Variants in GPATCH8 observed in about 807,000 individuals in gnomAD.
GPATCH8 encodes the protein G-patch domain containing 8.
In GPATCH8, 18 loss-of-function variants were observed where a neutral mutation model predicts 118.3. The ratio of observed to expected loss-of-function variants is 0.15; its 90% CI spans 0.11 to 0.23. The LOEUF (loss-of-function observed/expected upper bound fraction) is 0.23. Among genes scored for constraint, GPATCH8 ranks in the 10% least tolerant of loss-of-function variants. The probability of loss-of-function intolerance (pLI) is 1.00; values close to 1 mark genes in which losing one functional copy is unlikely to be tolerated. For missense variants in GPATCH8, 1,631 were observed against 1,873.8 expected (o/e 0.87, Z 2.39); for synonymous variants, 659 against 684.7 (o/e 0.96, Z 0.59).
intron 1 of GPATCH8, among the ~76,000 whole-genome samples, chr17:44,493,553 T>C (rs1969443799): frequency 6.6e-6 from 1 of 152,158 alleles, no homozygotes; most frequent in South Asian, 2.1e-4. Flanking sequence ...ACATATACCT[T>C]GAAGAGAGGC....
intron 1 of GPATCH8, among the ~76,000 whole-genome samples, chr17:44,476,722 A>G (rs1967811584): frequency 6.6e-6 from 1 of 152,204 alleles, no homozygotes; most frequent in Admixed American, 6.5e-5. Flanking sequence ...CAAAGCAACT[A>G]TTCCTCAAGA....
chr17:44,475,216 T>G (rs1568043081), intron 1 of GPATCH8, among the ~76,000 whole-genome samples: 2 of 150,794 alleles, frequency 1.3e-5, no homozygotes, highest in African/African-American at 4.9e-5. Context: ...CCATCTCCAC[T>G]AAAATTACAA....
At chr17:44,410,287 T>C (rs1187696031) in intron 6 of GPATCH8, among the ~76,000 whole-genome samples, 1 of 152,322 alleles carries the variant, frequency 6.6e-6, no homozygotes, top group East Asian at 1.9e-4. Flanking sequence ...GGAACACAAC[T>C]ATAGATAATT....
chr17:44,445,604 C>G (rs1377363169), intron 3 of GPATCH8, among the ~76,000 whole-genome samples: 1 of 151,908 alleles, frequency 6.6e-6, no homozygotes, highest in Non-Finnish European at 1.5e-5. Context: ...TTCCTAGGTT[C>G]AAGCGATTCT....
In GPATCH8 at chr17:44,460,620, G is replaced by T. The variant is rs140319660; in HGVS notation, c.193+3852C>A. 3.3e-3 allele frequency among the ~76,000 whole-genome samples: 497 copies of T among 152,254 alleles called. 3 individuals carry two copies. Among genetic ancestry groups the T allele is most frequent in the Non-Finnish European group, 6.0e-3 (405 of 68,022 alleles). ...AAAGCTTTGACAAAAAAGCCCAAAAGGACCAGGCTTAAAATTTTAGTGGAT... is the reference window on the plus strand; with the variant it reads ...AAAGCTTTGACAAAAAAGCCCAAAATGACCAGGCTTAAAATTTTAGTGGAT... On this transcript the variant is annotated intron_variant, in intron 3 of 7. Transcript: ENST00000591680.
At chr17:44,411,295 C>A (rs563853720) in intron 6 of GPATCH8, among the ~76,000 whole-genome samples, 2 of 152,280 alleles carry the variant, frequency 1.3e-5, no homozygotes, top group East Asian at 3.9e-4. Flanking sequence ...TGTTCCTGCT[C>A]AACTGTGATT....
chr17:44,497,286 G>A (rs185052915), intron 1 of GPATCH8, among the ~76,000 whole-genome samples: 143 of 152,268 alleles, frequency 9.4e-4, no homozygotes, highest in African/African-American at 3.3e-3. Context: ...CTTCTGCTAC[G>A]CTTTCAGAAA....
chr17:44,441,015 A>AT (rs2050671686), intron 3 of GPATCH8, among the ~76,000 whole-genome samples: 1 of 152,018 alleles, frequency 6.6e-6, no homozygotes, highest in South Asian at 2.1e-4. Flanking sequence ...CACCCAGCTA[A>AT]TTATTTTGTA....
chr17:44,495,579 A>G (rs1055946958), intron 1 of GPATCH8, among the ~76,000 whole-genome samples: 2 of 152,214 alleles, frequency 1.3e-5, no homozygotes, highest in Non-Finnish European at 2.9e-5. Flanking sequence ...AAATACTTAC[A>G]CTACAATACG....
intron 2 of GPATCH8, among the ~76,000 whole-genome samples, chr17:44,472,638 C>G (rs1277741279): frequency 5.3e-5 from 8 of 152,110 alleles, no homozygotes; most frequent in Non-Finnish European, 7.3e-5. Context: ...TACTGGGGAG[C>G]TGATTCTGAC....
chr17:44,434,718 G>A (rs1255149298), intron 5 of GPATCH8, among the ~76,000 whole-genome samples: 2 of 152,094 alleles, frequency 1.3e-5, no homozygotes, highest in Admixed American at 1.3e-4. Context: ...TCTGGCCTCT[G>A]CAAGTGTTGG....
intron 1 of GPATCH8, among the ~76,000 whole-genome samples, chr17:44,475,117 G>T (rs905980278): frequency 3.3e-5 from 5 of 151,972 alleles, no homozygotes; most frequent in African/African-American, 9.7e-5. Flanking sequence ...GGTGGCTCAC[G>T]CCTGTAATCC....
At chr17:44,492,297 CAAA>C (rs760386945) in intron 1 of GPATCH8, among the ~76,000 whole-genome samples, 34 of 76,238 alleles carry the variant, frequency 4.5e-4, no homozygotes, top group Admixed American at 3.0e-3. Context: ...TGAGACGTCT[CAAA>C]AAAAAAAAAA....
chr17:44,482,078 G>A (rs773790662), intron 1 of GPATCH8, among the ~76,000 whole-genome samples: 2 of 151,882 alleles, frequency 1.3e-5, no homozygotes, highest in African/African-American at 4.8e-5. Flanking sequence ...CCAAGGTGTC[G>A]CCACTGCACT....
chr17:44,448,105 G>A (rs2050955491), intron 3 of GPATCH8, among the ~76,000 whole-genome samples: 2 of 151,904 alleles, frequency 1.3e-5, no homozygotes, highest in Admixed American at 6.6e-5. Context: ...TACCAAGCCC[G>A]GCTAATTTAA....
chr17:44,398,321 G>C lies in GPATCH8; in HGVS notation c.3756C>G (p.Thr1252=), dbSNP rs1399200186. 1.2e-6 allele frequency: 2 copies of C among 1,614,048 alleles called. No homozygotes were observed. Among genetic ancestry groups the C allele is most frequent in the South Asian group, 1.1e-5 (1 of 91,076 alleles). ...NYLPDPSDGD[T]LESLDSSSQP... ...GACTGCTGCTATCCAGGGACTCCAGGGTGTCCCCATCACTGGGGTCGGGGA... is the reference window on the plus strand; with the variant it reads ...GACTGCTGCTATCCAGGGACTCCAGCGTGTCCCCATCACTGGGGTCGGGGA... Residue 1252 remains threonine (T), a synonymous_variant, in exon 8 of 8, where the codon ACC becomes ACG. Transcript: ENST00000591680.
At chr17:44,459,591 T>C (rs935096423) in intron 3 of GPATCH8, among the ~76,000 whole-genome samples, 2 of 152,180 alleles carry the variant, frequency 1.3e-5, no homozygotes, top group African/African-American at 4.8e-5. Flanking sequence ...TAGTGAGACT[T>C]CCTACTCACA....
At chr17:44,455,258 G>A (rs1001367123) in intron 3 of GPATCH8, among the ~76,000 whole-genome samples, 2 of 152,166 alleles carry the variant, frequency 1.3e-5, no homozygotes, top group South Asian at 4.2e-4. Context: ...TCCCAGCACT[G>A]TGGGAGGCCG....
In GPATCH8 at chr17:44,398,982, C is replaced by T. The variant is rs141324123; in HGVS notation, c.3095G>A (p.Arg1032His). 4.9e-5 allele frequency: 79 copies of T among 1,613,914 alleles called. No homozygotes were observed. Among genetic ancestry groups the T allele is most frequent in the Middle Eastern group, 1.6e-4 (1 of 6,084 alleles). Residue 1032 changes from arginine to histidine, a missense_variant, in exon 8 of 8, where the codon CGC becomes CAC. By Grantham distance (29) the Arg-to-His change is conservative (BLOSUM62 0). Coordinates refer to ENST00000591680, the MANE Select transcript of GPATCH8 (RefSeq NM_001002909.4). Reference sequence around the variant, plus strand: ...TCGGAAATAGTGGGGGGACTGGGAGCGGTAGATCTTAGAACGAATGAAGTC... The same window carrying T: ...TCGGAAATAGTGGGGGGACTGGGAGTGGTAGATCTTAGAACGAATGAAGTC... ...RRDFIRSKIY[R>H]SQSPHYFRSG...
Sources: gnomAD v4.1 joint callset for allele counts (sites outside exome capture counted in the v4.1 genomes callset) on GRCh38, gnomAD v4.1.1 for gene constraint, MANE v1.5 for transcripts, NCBI Gene and HGNC (gene_info 2026-07-23, HGNC 2026-07-21) for gene names.